The following NADK2 variants were observed in gnomAD, a reference collection of about 807,000 sequenced individuals.
NADK2 encodes the protein NAD kinase domain-containing protein 1, mitochondrial.
In NADK2, 35 loss-of-function variants were observed where a neutral mutation model predicts 62.1. That is an observed-to-expected ratio of 0.56 (90% confidence interval 0.43 to 0.75). NADK2 has a LOEUF of 0.75. NADK2 is among the 30% of genes least tolerant of loss of function. NADK2 has a pLI of 0.00. For synonymous variants in NADK2, 205 were observed against 207.9 expected, an observed-to-expected ratio of 0.99 and a Z score of 0.12; for missense variants, 439 against 561.3, an observed-to-expected ratio of 0.78 and a Z score of 2.20.
At chr5:36,198,365 T>C (rs1326444721) in intron 10 of NADK2, among the ~76,000 whole-genome samples, 1 of 151,692 alleles carries the variant, frequency 6.6e-6, no homozygotes, top group Non-Finnish European at 1.5e-5. Flanking sequence ...AAAATCTAAT[T>C]CACCCACAAA....
intron 8 of NADK2, among the ~76,000 whole-genome samples, chr5:36,203,352 C>T (rs1746515814): frequency 6.6e-6 from 1 of 152,040 alleles, no homozygotes; most frequent in Non-Finnish European, 1.5e-5. Flanking sequence ...CCTCTGGCTC[C>T]TCGGCTTCTC....
In NADK2 at chr5:36,241,918, T is replaced by A. The variant is rs1372265157; in HGVS notation, c.-120A>T. The A allele has an allele frequency of 1.2e-6, 1 of 867,430 alleles. No individual in the cohort carries two copies. The highest frequency in any genetic ancestry group is 1.4e-6 in the Non-Finnish European group (1 of 700,452). 53.7% of individuals were successfully genotyped at this position (867,430 alleles called of 1,614,324 possible). A position where few individuals can be genotyped will look rare whatever the true frequency, so the allele number is the denominator to read the frequency against. Reference sequence around the variant, plus strand: ...TAACTTCGCGCCGGACGGGCAGAGGTTAAGTGCCAGGACGTGCGTGGCCCA... The same window carrying A: ...TAACTTCGCGCCGGACGGGCAGAGGATAAGTGCCAGGACGTGCGTGGCCCA... On this transcript the variant is annotated 5_prime_UTR_variant, in exon 1 of 12. Coordinates refer to ENST00000381937, the MANE Select transcript of NADK2 (RefSeq NM_001085411.3). This position sits in a 1 kb window ranked among gnomAD's most constrained non-coding sequence, Gnocchi z 4.9.
rs895533871 is a variant in NADK2 at position 36,194,379 on chromosome 5, T to G, written c.*765A>C. On this transcript the variant is annotated 3_prime_UTR_variant, in exon 12 of 12. Transcript: ENST00000381937. Reference sequence around the variant, plus strand: ...TCCCTGAATCCATGTTTGAGCATTTTAAAGATGGAAGAAACCTGTAAGACT... The same window carrying G: ...TCCCTGAATCCATGTTTGAGCATTTGAAAGATGGAAGAAACCTGTAAGACT... 2 of 152,176 alleles carry G rather than the reference T, an allele frequency of 1.3e-5. No homozygotes were observed. Among genetic ancestry groups the G allele is most frequent in the Non-Finnish European group, 1.5e-5 (1 of 68,032 alleles). 9.4% of individuals were successfully genotyped at this position (152,176 alleles called of 1,614,324 possible). A position where few individuals can be genotyped will look rare whatever the true frequency, so the allele number is the denominator to read the frequency against.
intron 7 of NADK2, 30 bp downstream of exon 7, chr5:36,211,814 C>T: frequency 6.4e-7 from 1 of 1,563,500 alleles, no homozygotes. Context: ...ACATTAAATT[C>T]CATGCTCAAG....
intron 8 of NADK2, among the ~76,000 whole-genome samples, chr5:36,203,172 G>T (rs1746508941): frequency 6.6e-6 from 1 of 152,032 alleles, no homozygotes; most frequent in Non-Finnish European, 1.5e-5. Context: ...GTTAACTTAT[G>T]AAACTTTTTG....
chr5:36,223,073 ACTGTTCC>A (rs1747335988), intron 4 of NADK2, among the ~76,000 whole-genome samples: 1 of 152,198 alleles, frequency 6.6e-6, no homozygotes, highest in Admixed American at 6.5e-5. Context: ...AAGGTGACCA[ACTGTTCC>A]CTGCTTTGCC....
At chr5:36,196,343 C>T (rs947031826) in intron 11 of NADK2, among the ~76,000 whole-genome samples, 6 of 151,990 alleles carry the variant, frequency 3.9e-5, no homozygotes, top group African/African-American at 1.2e-4. Flanking sequence ...TATATGGTAG[C>T]GTATTATGTA....
chr5:36,219,987 T>C (rs903032919), intron 4 of NADK2, among the ~76,000 whole-genome samples: 8 of 152,240 alleles, frequency 5.3e-5, no homozygotes, highest in Admixed American at 3.3e-4. Flanking sequence ...AGTTATTTAA[T>C]GGTACAGTGT....
Position 36,192,875 on chromosome 5 carries a change from A to G in NADK2, c.*2269T>C, listed in dbSNP as rs905690594. 1 of 152,216 alleles carries G rather than the reference A, an allele frequency of 6.6e-6. No individual in the cohort carries two copies. Among genetic ancestry groups the G allele is most frequent in the African/African-American group, 2.4e-5 (1 of 41,462 alleles). 9.4% of individuals were successfully genotyped at this position (152,216 alleles called of 1,614,324 possible). ...TTGAGAGGGAAATAAGAAATGTTAA[A>G]AAGAAGAGGTAACAGTGGAGTAATT... On this transcript the variant is annotated 3_prime_UTR_variant, in exon 12 of 12. Coordinates refer to ENST00000381937, the MANE Select transcript of NADK2 (RefSeq NM_001085411.3).
Position 36,241,287 on chromosome 5 carries a change from C to T in NADK2, c.300+212G>A. The T allele has an allele frequency of 1.0e-6, 1 of 990,066 alleles. No individual in the cohort carries two copies. The highest frequency in any genetic ancestry group is 1.3e-6 in the Non-Finnish European group (1 of 743,270). 61.3% of individuals were successfully genotyped at this position (990,066 alleles called of 1,614,324 possible). On this transcript the variant is annotated intron_variant, in intron 1 of 11. Transcript: ENST00000381937. The surrounding 1 kb of genome is among the most constrained non-coding windows in gnomAD (Gnocchi z 4.9). ...TGAACCACTGTCCCTCTCTCTCCCC[C>T]TCTCCCCGGCCCTGCCTCTCCCTCG...
intron 8 of NADK2, among the ~76,000 whole-genome samples, chr5:36,201,380 T>C (rs1460788324): frequency 6.6e-6 from 1 of 152,004 alleles, no homozygotes; most frequent in African/African-American, 2.4e-5. Flanking sequence ...TGGAGAGCAA[T>C]TATGCACTAT....
intron 11 of NADK2, among the ~76,000 whole-genome samples, chr5:36,196,329 G>A (rs1746232133): frequency 1.3e-5 from 2 of 152,038 alleles, no homozygotes; most frequent in Admixed American, 6.6e-5. Context: ...CATTCTGGTG[G>A]GTGTATATGG....
At chr5:36,228,072 CTT>C (rs1217899910) in intron 1 of NADK2, among the ~76,000 whole-genome samples, 1 of 152,090 alleles carries the variant, frequency 6.6e-6, no homozygotes, top group Non-Finnish European at 1.5e-5. Flanking sequence ...TTGCTTCTCT[CTT>C]GTTCTCAGAT....
At chr5:36,208,441 G>C (rs998793900) in intron 7 of NADK2, among the ~76,000 whole-genome samples, 3 of 151,982 alleles carry the variant, frequency 2.0e-5, no homozygotes, top group Non-Finnish European at 2.9e-5. Context: ...TAGAGGTAAG[G>C]GGGCATGGGT....
At chr5:36,238,113 A>C (rs1387125382) in intron 1 of NADK2, among the ~76,000 whole-genome samples, 1 of 152,212 alleles carries the variant, frequency 6.6e-6, no homozygotes, top group Non-Finnish European at 1.5e-5. Flanking sequence ...TTGATTAACA[A>C]TCATATTGTA....
At chr5:36,210,504 C>A (rs561426886) in intron 7 of NADK2, among the ~76,000 whole-genome samples, 2 of 152,200 alleles carry the variant, frequency 1.3e-5, no homozygotes, top group African/African-American at 4.8e-5. Flanking sequence ...TACAACATCA[C>A]CTATGGAGCA....
intron 10 of NADK2, among the ~76,000 whole-genome samples, chr5:36,199,892 A>ATTC (rs1746373696): frequency 6.6e-6 from 1 of 152,060 alleles, no homozygotes; most frequent in Non-Finnish European, 1.5e-5. Context: ...AGCTCAGTGA[A>ATTC]TTCCATCTCA....
chr5:36,207,843 A>G (rs895645919), intron 7 of NADK2, among the ~76,000 whole-genome samples: 5 of 152,182 alleles, frequency 3.3e-5, no homozygotes, highest in Non-Finnish European at 5.9e-5. Flanking sequence ...GAAATAAACC[A>G]GAACTATAAA....
chr5:36,223,736 A>G (rs1747365152), intron 4 of NADK2, among the ~76,000 whole-genome samples: 1 of 152,218 alleles, frequency 6.6e-6, no homozygotes, highest in South Asian at 2.1e-4. Flanking sequence ...TCCATAAAAA[A>G]ACTGCAAAGT....
Sources: gnomAD v4.1 joint callset for allele counts (sites outside exome capture counted in the v4.1 genomes callset) on GRCh38, gnomAD v4.1.1 for gene constraint, Gnocchi (gnomAD v3.1) non-coding constraint, MANE v1.5 for transcripts, NCBI Gene and HGNC (gene_info 2026-07-23, HGNC 2026-07-21) for gene names.